NFE2L2: variants seen among roughly 807,000 people sequenced by gnomAD.
NFE2L2 encodes NFE2 like bZIP transcription factor 2.
NFE2L2 carries 20 observed loss-of-function variants against 49.6 expected under a neutral mutation model. The observed-to-expected ratio is 0.40, with a 90% confidence interval of 0.28 to 0.59. NFE2L2 has a LOEUF of 0.59. Among genes scored for constraint, NFE2L2 ranks in the 20% least tolerant of loss-of-function variants. NFE2L2 has a pLI of 0.40. For missense variants in NFE2L2, 578 were observed against 714.2 expected, an observed-to-expected ratio of 0.81 and a Z score of 2.17; for synonymous variants, 244 against 256.5, an observed-to-expected ratio of 0.95 and a Z score of 0.47.
chr2:177,255,655 G>A (rs1690490060), intron 1 of NFE2L2, among the ~76,000 whole-genome samples: 1 of 152,070 alleles, frequency 6.6e-6, no homozygotes, highest in Non-Finnish European at 1.5e-5. Context: ...AAACTCCTGG[G>A]CTCAAGCTAT....
Position 177,264,559 on chromosome 2 carries a change from C to T in NFE2L2, c.18G>A (p.Leu6=). 1.3e-6 allele frequency: 2 copies of T among 1,518,418 alleles called. No individual in the cohort carries two copies. The highest frequency in any genetic ancestry group is 1.8e-6 in the Non-Finnish European group (2 of 1,132,176). 94.1% of individuals were successfully genotyped at this position (1,518,418 alleles called of 1,614,324 possible). MMDLE[L]PPPGLPSQQD... is the part of the protein sequence containing the mutation. The stretch of plus-strand genomic sequence containing the variant: ...GCTGGGACGGGAGTCCCGGCGGCGG[C>T]AGCTCCAAGTCCATCATGATGAGCT... The change falls in exon 1 of 5, where the codon CTG becomes CTA. Residue 6 remains leucine, a synonymous_variant. Coordinates refer to ENST00000397062, the MANE Select transcript of NFE2L2 (RefSeq NM_006164.5).
chr2:177,238,790 T>C (rs1197372969), intron 1 of NFE2L2, among the ~76,000 whole-genome samples: 1 of 152,222 alleles, frequency 6.6e-6, no homozygotes, highest in East Asian at 1.9e-4. Context: ...AGACTACTAT[T>C]AACATGTTGT....
At chr2:177,254,679 A>C (rs1234788981) in intron 1 of NFE2L2, among the ~76,000 whole-genome samples, 1 of 152,204 alleles carries the variant, frequency 6.6e-6, no homozygotes. Flanking sequence ...CTGTCCTATC[A>C]ATCTTTATAA....
chr2:177,231,149 A>G lies in NFE2L2; in HGVS notation c.1454T>C (p.Met485Thr). ...AGCTTCATTGAACTGCTCTTTGGACATCATTTCGTTGAAGTCAACAACAGG... is the reference window on the plus strand; with the variant it reads ...AGCTTCATTGAACTGCTCTTTGGACGTCATTTCGTTGAAGTCAACAACAGG... ...NLPVVDFNEM[M>T]SKEQFNEAQL... is the part of the protein sequence containing the mutation. The change falls in exon 5 of 5, where the codon ATG becomes ACG. Residue 485 changes from methionine to threonine, a missense_variant. Transcript: ENST00000397062. 6.2e-7 allele frequency: 1 copy of G among 1,614,138 alleles called. No homozygotes were observed. Among genetic ancestry groups the G allele is most frequent in the Admixed American group, 1.7e-5 (1 of 60,020 alleles).
intron 1 of NFE2L2, among the ~76,000 whole-genome samples, chr2:177,245,094 C>T (rs1470685466): frequency 6.6e-6 from 1 of 151,198 alleles, no homozygotes; most frequent in Non-Finnish European, 1.5e-5. Flanking sequence ...TGTTTTCCCT[C>T]ATCTCCTCCC....
chr2:177,244,889 G>A (rs1292002466), intron 1 of NFE2L2, among the ~76,000 whole-genome samples: 3 of 150,336 alleles, frequency 2.0e-5, no homozygotes, highest in Non-Finnish European at 4.4e-5. Context: ...CTGTGTCCCA[G>A]CTACTTGGGA....
intron 1 of NFE2L2, among the ~76,000 whole-genome samples, chr2:177,237,184 A>G (rs1689779191): frequency 6.6e-6 from 1 of 152,098 alleles, no homozygotes; most frequent in Non-Finnish European, 1.5e-5. Flanking sequence ...ATATTTTTGA[A>G]CCAATCTGCC....
At position 177,260,561 on chromosome 2, in the gene NFE2L2, G is replaced by C. The variant is rs1302279252; in HGVS notation, c.45+3971C>G. On this transcript the variant is annotated intron_variant, in intron 1 of 4. Coordinates refer to ENST00000397062, the MANE Select transcript of NFE2L2 (RefSeq NM_006164.5). ...TCAGAAGTGCCAAAACATGAGATTA[G>C]GGTTGAATTTGCGCCATCAGCTTTC... 2.0e-5 allele frequency among the ~76,000 whole-genome samples: 3 copies of C among 152,194 alleles called. No homozygotes were observed. In the South Asian group the frequency reaches 6.2e-4, roughly 32 times the overall value.
chr2:177,264,540 A>ACGGGAGTCCCGGCGG lies in NFE2L2; in HGVS notation c.22_36dup (p.Pro8_Pro12dup). ...GAGGGCCGAGGCAGCACCTGCTGGGACGGGAGTCCCGGCGGCGGCAGCTCC... is the reference window on the plus strand; with the variant it reads ...GAGGGCCGAGGCAGCACCTGCTGGGACGGGAGTCCCGGCGGCGGGAGTCCCGGCGGCGGCAGCTCC... On this transcript the variant is annotated inframe_insertion, in exon 1 of 5. Coordinates refer to ENST00000397062, the MANE Select transcript of NFE2L2 (RefSeq NM_006164.5). The ACGGGAGTCCCGGCGG allele has an allele frequency of 6.6e-7, 1 of 1,522,572 alleles. No individual in the cohort carries two copies. Among genetic ancestry groups the ACGGGAGTCCCGGCGG allele is most frequent in the East Asian group, 2.7e-5 (1 of 37,252 alleles). 94.3% of individuals were successfully genotyped at this position (1,522,572 alleles called of 1,614,324 possible). A position where few individuals can be genotyped will look rare whatever the true frequency, so the allele number is the denominator to read the frequency against.
Position 177,231,887 on chromosome 2 carries a change from A to C in NFE2L2, c.716T>G (p.Val239Gly). Residue 239 changes from valine to glycine, a missense_variant, in exon 5 of 5, where the codon GTA becomes GGA. By Grantham distance (109) the Val-to-Gly change is moderately radical. Around this residue, in one of 3 missense-constraint regions of NFE2L2, gnomAD observed 368 missense variants for 384.6 expected, o/e 0.96. Coordinates refer to ENST00000397062, the MANE Select transcript of NFE2L2 (RefSeq NM_006164.5). ...AAGAAAATGTGGACTACAGTTACCT[A>C]CTTCTTTTTCCATTGAGGGTATAGA... ...YSSIPSMEKE[V>G]GNCSPHFLNA... The C allele has an allele frequency of 6.2e-7, 1 of 1,614,212 alleles. No homozygotes were observed. The highest frequency in any genetic ancestry group is 8.5e-7 in the Non-Finnish European group (1 of 1,180,030).
intron 1 of NFE2L2, 27 bp downstream of exon 1, chr2:177,264,505 G>T: frequency 1.3e-6 from 2 of 1,519,490 alleles, no homozygotes; most frequent in Admixed American, 2.1e-5. Flanking sequence ...CGGCACCACC[G>T]CAGGGCCCAG....
At chr2:177,254,538 G>A (rs996463590) in intron 1 of NFE2L2, among the ~76,000 whole-genome samples, 1 of 152,206 alleles carries the variant, frequency 6.6e-6, no homozygotes, top group Non-Finnish European at 1.5e-5. Context: ...ATTGTATGGA[G>A]GTGGGGTGGG....
At chr2:177,234,972 C>T (rs192698275) in intron 1 of NFE2L2, among the ~76,000 whole-genome samples, 4 of 151,860 alleles carry the variant, frequency 2.6e-5, no homozygotes, top group Admixed American at 6.6e-5. Context: ...AAAAATCAGC[C>T]GGGTGTGGTG....
intron 2 of NFE2L2, 136 bp downstream of exon 2, chr2:177,233,869 C>T (rs893892181): frequency 8.5e-7 from 1 of 1,175,502 alleles, no homozygotes; most frequent in Non-Finnish European, 1.2e-6. Context: ...CATCAGGAGG[C>T]TGAGGTTGGA....
chr2:177,259,794 T>A (rs1489360676), intron 1 of NFE2L2, among the ~76,000 whole-genome samples: 1 of 151,872 alleles, frequency 6.6e-6, no homozygotes, highest in Non-Finnish European at 1.5e-5. Flanking sequence ...TAGCCAGGCG[T>A]GGTGGCGGGT....
In NFE2L2 at chr2:177,232,222, CATTCT is replaced by C. The variant is rs1689579115; in HGVS notation, c.594+165_594+169del. 1.8e-5 allele frequency: 16 copies of C among 900,280 alleles called. No individual in the cohort carries two copies. The South Asian group carries it at 1.9e-4, about 11-fold the overall frequency. The allele number at this position is 900,280 out of a possible 1,614,324, so 55.8% of individuals were successfully genotyped here. A position where few individuals can be genotyped will look rare whatever the true frequency, so the allele number is the denominator to read the frequency against. On this transcript the variant is annotated intron_variant, in intron 4 of 4. Coordinates refer to ENST00000397062, the MANE Select transcript of NFE2L2 (RefSeq NM_006164.5). ...CCCAGATCAGACGTCAGGTTTATAA[CATTCT>C]ATCCTCAAGATGTCCAACCAATTTA...
intron 1 of NFE2L2, among the ~76,000 whole-genome samples, chr2:177,261,931 C>T (rs889237126): frequency 6.6e-6 from 1 of 151,934 alleles, no homozygotes; most frequent in Non-Finnish European, 1.5e-5. Context: ...CTTTGTTAAA[C>T]ATGATTTATC....
chr2:177,245,713 G>A (rs1690099619), intron 1 of NFE2L2, among the ~76,000 whole-genome samples: 1 of 152,038 alleles, frequency 6.6e-6, no homozygotes, highest in South Asian at 2.1e-4. Flanking sequence ...GGGTTGAAGT[G>A]ATTCTCCTGC....
chr2:177,231,491 A>G lies in NFE2L2; in HGVS notation c.1112T>C (p.Leu371Pro), dbSNP rs1689547713. 2 of 1,614,248 alleles carry G rather than the reference A, an allele frequency of 1.2e-6. No individual in the cohort carries two copies. Among genetic ancestry groups the G allele is most frequent in the East Asian group, 4.5e-5 (2 of 44,896 alleles). Residue 371 changes from leucine to proline, a missense_variant, in exon 5 of 5, where the codon CTT (leucine) becomes CCT (proline). By Grantham distance (98) the Leu-to-Pro change is moderately conservative. Around this residue, in one of 3 missense-constraint regions of NFE2L2, gnomAD observed 368 missense variants for 384.6 expected, o/e 0.96. Transcript: ENST00000397062. Reference protein sequence around the residue: ...VESSSYGDTLLGLSDSEVEEL... With the variant: ...VESSSYGDTLPGLSDSEVEEL... ...TTCCACTTCAGAATCACTGAGGCCA[A>G]GTAGTGTGTCTCCATAGCTGGAAGA...
Sources: allele counts gnomAD v4.1 joint callset (sites outside exome capture counted in the v4.1 genomes callset), GRCh38; gene constraint gnomAD v4.1.1; regional missense constraint gnomAD v4.1.1; transcripts MANE v1.5; gene names NCBI Gene and HGNC (gene_info 2026-07-23, HGNC 2026-07-21).